Variants in TLCD2 observed in about 807,000 individuals in gnomAD.
The protein encoded by TLCD2 is TLC domain containing 2, also known as TLC domain-containing protein 2.
In TLCD2, 12 loss-of-function variants were observed where a neutral mutation model predicts 14.0. That is an observed-to-expected ratio of 0.86 (90% confidence interval 0.55 to 1.39). The LOEUF (loss-of-function observed/expected upper bound fraction) is 1.39, where lower values mean the gene tolerates loss of function less well. Ranked by LOEUF, TLCD2 falls within the 40% of genes most tolerant of loss-of-function variation. The pLI, the probability that TLCD2 is intolerant of heterozygous loss-of-function variation, is 0.00. For missense variants in TLCD2, 360 were observed against 346.8 expected, an observed-to-expected ratio of 1.04 and a Z score of -0.30; for synonymous variants, 166 against 156.5, an observed-to-expected ratio of 1.06 and a Z score of -0.45.
rs766875594 is a variant in TLCD2, at chr17:1,708,228, A to G, written c.343-6T>C. 4 of 1,515,384 alleles carry G rather than the reference A, an allele frequency of 2.6e-6. No homozygotes were observed. In the African/African-American group the frequency reaches 5.5e-5, roughly 21 times the overall value. 93.9% of individuals were successfully genotyped at this position (1,515,384 alleles called of 1,614,324 possible). On this transcript the variant is annotated splice_polypyrimidine_tract_variant and splice_region_variant and intron_variant, in intron 3 of 3. Coordinates refer to ENST00000330676, the MANE Select transcript of TLCD2 (RefSeq NM_001164407.2). ...GTGCTGAGGCAGCTCACCACCTGGGAGCCAGGGTCACAGGTCAGAGGAACC... is the reference window on the plus strand; with the variant it reads ...GTGCTGAGGCAGCTCACCACCTGGGGGCCAGGGTCACAGGTCAGAGGAACC...
intron 1 of TLCD2, 51 bp from the exon 2 acceptor site, chr17:1,709,937 GCCCCGGCCGCAGTCTCCCTGTGCGCA>G: frequency 6.6e-7 from 1 of 1,513,774 alleles, no homozygotes; most frequent in Non-Finnish European, 8.8e-7. Context: ...GCCTCTCGAG[GCCCCGGCCGCAGTCTCCCTGTGCGCA>G]CCCCCACCCC....
At chr17:1,709,737 G>A (rs1914159443) in intron 2 of TLCD2, 67 bp downstream of exon 2, 1 of 1,274,948 alleles carries the variant, frequency 7.8e-7, no homozygotes, top group Admixed American at 2.0e-5. Flanking sequence ...GAATGGACCT[G>A]GAAGGACAGC....
chr17:1,709,517 A>AAGAT lies in TLCD2; in HGVS notation c.320_323dup (p.Leu109SerfsTer118), dbSNP rs761993817. 19 of 1,536,888 alleles carry AAGAT rather than the reference A, an allele frequency of 1.2e-5. No individual in the cohort carries two copies. The South Asian group carries it at 2.3e-4, about 18-fold the overall frequency. The stretch of plus-strand genomic sequence containing the variant: ...GTCTCACCACCAAATGATGACAGAG[A>AAGAT]AGATCCCAGGTCTTGCCCAAGGTCT... On this transcript the variant is annotated frameshift_variant, in exon 3 of 4. Transcript: ENST00000330676. LOFTEE classifies it low-confidence loss of function (END_TRUNC).
At chr17:1,709,702 A>G (rs1211069868) in intron 2 of TLCD2, 102 bp downstream of exon 2, 4 of 987,976 alleles carry the variant, frequency 4.0e-6, no homozygotes, top group Non-Finnish European at 1.4e-6. Context: ...AGCCTTCAGG[A>G]ACGTTTAACC....
rs953656538 is a variant in TLCD2, at chr17:1,704,969, TGGG to T, written c.*2798_*2800del. The T allele has an allele frequency of 2.0e-5, 3 of 152,056 alleles. No individual in the cohort carries two copies. Among genetic ancestry groups the T allele is most frequent in the African/African-American group, 7.2e-5 (3 of 41,402 alleles). 9.4% of individuals were successfully genotyped at this position (152,056 alleles called of 1,614,324 possible). The stretch of plus-strand genomic sequence containing the variant: ...CGCCTGCCTCGGCCTCCCAAAATGC[TGGG>T]ATTACAGGCGTGACCCACCATGCCC... On this transcript the variant is annotated 3_prime_UTR_variant, in exon 4 of 4. Transcript: ENST00000330676.
At chr17:1,708,402 T>A (rs934612748) in intron 3 of TLCD2, among the ~76,000 whole-genome samples, 180 bp from the exon 4 acceptor site, 1 of 151,066 alleles carries the variant, frequency 6.6e-6, no homozygotes, top group Non-Finnish European at 1.5e-5. Flanking sequence ...CTTCCATAGA[T>A]GGAACCAGGC....
chr17:1,704,874 T>G lies in TLCD2; in HGVS notation c.*2896A>C, dbSNP rs1412907121. 1 of 151,364 alleles carries G rather than the reference T, an allele frequency of 6.6e-6. No homozygotes were observed. Among genetic ancestry groups the G allele is most frequent in the Non-Finnish European group, 1.5e-5 (1 of 67,920 alleles). 9.4% of individuals were successfully genotyped at this position (151,364 alleles called of 1,614,324 possible). A position where few individuals can be genotyped will look rare whatever the true frequency, so the allele number is the denominator to read the frequency against. On this transcript the variant is annotated 3_prime_UTR_variant, in exon 4 of 4. Coordinates refer to ENST00000330676, the MANE Select transcript of TLCD2 (RefSeq NM_001164407.2). ...GCGCCTGCCACCACGCCCGGCCAAT[T>G]TTTTGTATTTTTAGTAGAGATGGTG...
chr17:1,707,399 G>T lies in TLCD2; in HGVS notation c.*371C>A, dbSNP rs2151144760. On this transcript the variant is annotated 3_prime_UTR_variant, in exon 4 of 4. Coordinates refer to ENST00000330676, the MANE Select transcript of TLCD2 (RefSeq NM_001164407.2). ...ATACCAGATCTCTCTGATCCTAGTG[G>T]GACTTCACCTTCCCCCATCTGTCCC... 1.3e-5 allele frequency: 3 copies of T among 229,298 alleles called. No individual in the cohort carries two copies. In the East Asian group the frequency reaches 2.9e-4, roughly 22 times the overall value. 14.2% of individuals were successfully genotyped at this position (229,298 alleles called of 1,614,324 possible). A position where few individuals can be genotyped will look rare whatever the true frequency, so the allele number is the denominator to read the frequency against.
rs1213452275 is a variant in TLCD2, at chr17:1,706,294, A to T, written c.*1476T>A. 6.6e-6 allele frequency: 1 copy of T among 152,134 alleles called. No homozygotes were observed. The highest frequency in any genetic ancestry group is 1.5e-5 in the Non-Finnish European group (1 of 68,170). The allele number at this position is 152,134 out of a possible 1,614,324, so 9.4% of individuals were successfully genotyped here. On this transcript the variant is annotated 3_prime_UTR_variant, in exon 4 of 4. Coordinates refer to ENST00000330676, the MANE Select transcript of TLCD2 (RefSeq NM_001164407.2). ...CAGCCAGAGGGCCAGCTATTCCTTT[A>T]TCCTCCTGCAGCCTTCTCTCACACA...
In TLCD2 at chr17:1,707,906, C is replaced by G. The variant is rs556402213; in HGVS notation, c.659G>C (p.Arg220Pro). 6.5e-7 allele frequency: 1 copy of G among 1,537,142 alleles called. No individual in the cohort carries two copies. Among genetic ancestry groups the G allele is most frequent in the South Asian group, 1.2e-5 (1 of 84,064 alleles). ...VGIMSIILGI[R>P]ILVNDVLQSR... is the part of the protein sequence containing the mutation. ...CTGTAGGACATCATTGACCAGAATA[C>G]GGATCCCCAATATGATGCTCATGAT... The change falls in exon 4 of 4, where the codon CGT becomes CCT. Residue 220 changes from arginine (R) to proline (P), a missense_variant. Arg to Pro is a moderately radical substitution (Grantham distance 103, BLOSUM62 -2). Transcript: ENST00000330676.
rs1914049813 is a variant in TLCD2, at chr17:1,706,852, C to G, written c.*918G>C. The stretch of plus-strand genomic sequence containing the variant: ...ATAAAAATAAAAATAAAAGGCTAGA[C>G]ACAGCAGGACCAGGGTTAAGGAGAA... On this transcript the variant is annotated 3_prime_UTR_variant, in exon 4 of 4. Coordinates refer to ENST00000330676, the MANE Select transcript of TLCD2 (RefSeq NM_001164407.2). 6.7e-6 allele frequency: 1 copy of G among 149,498 alleles called. No homozygotes were observed. Among genetic ancestry groups the G allele is most frequent in the Non-Finnish European group, 1.5e-5 (1 of 67,474 alleles). The allele number at this position is 149,498 out of a possible 1,614,324, so 9.3% of individuals were successfully genotyped here.
rs1443110138 is a variant in TLCD2, at chr17:1,706,990, A to C, written c.*780T>G. 1 of 151,552 alleles carries C rather than the reference A, an allele frequency of 6.6e-6. No individual in the cohort carries two copies. Among genetic ancestry groups the C allele is most frequent in the Admixed American group, 6.6e-5 (1 of 15,194 alleles). The allele number at this position is 151,552 out of a possible 1,614,324, so 9.4% of individuals were successfully genotyped here. A position where few individuals can be genotyped will look rare whatever the true frequency, so the allele number is the denominator to read the frequency against. The stretch of plus-strand genomic sequence containing the variant: ...AGACCAGCCTGGGCAACATGGTGAA[A>C]CCTCCTCTCCACCAAAAAATACAAA... On this transcript the variant is annotated 3_prime_UTR_variant, in exon 4 of 4. Transcript: ENST00000330676.
rs760704775 is a variant in TLCD2, at chr17:1,707,883, G to T, written c.682C>A (p.Gln228Lys). 1.3e-6 allele frequency: 2 copies of T among 1,537,294 alleles called. No homozygotes were observed. The highest frequency in any genetic ancestry group is 2.4e-5 in the South Asian group (2 of 84,060). The change falls in exon 4 of 4, where the codon CAG becomes AAG. Residue 228 changes from glutamine (Q) to lysine (K), a missense_variant. Coordinates refer to ENST00000330676, the MANE Select transcript of TLCD2 (RefSeq NM_001164407.2). ...GGGCTGGGTGGATGGGGTCGAGACT[G>T]TAGGACATCATTGACCAGAATACGG... ...GIRILVNDVL[Q>K]SRPHPPSPGH...
In TLCD2 at chr17:1,706,773, C is replaced by CAAAAAAAAAAAA. The variant is rs55703430; in HGVS notation, c.*985_*996dup. On this transcript the variant is annotated 3_prime_UTR_variant, in exon 4 of 4. Coordinates refer to ENST00000330676, the MANE Select transcript of TLCD2 (RefSeq NM_001164407.2). ...TGGGCAACAGAGCAAGAACTTGTCT[C>CAAAAAAAAAAAA]AAAAAAAAAAAAAAAAAAAGAAAAG... 2.9e-4 allele frequency: 23 copies of CAAAAAAAAAAAA among 80,028 alleles called. No individual in the cohort carries two copies. The highest frequency in any genetic ancestry group is 3.4e-4 in the Non-Finnish European group (14 of 40,638). The allele number at this position is 80,028 out of a possible 1,614,324, so 5.0% of individuals were successfully genotyped here.
intron 1 of TLCD2, 67 bp downstream of exon 1, chr17:1,710,000 G>T: frequency 6.6e-7 from 1 of 1,514,932 alleles, no homozygotes; most frequent in Non-Finnish European, 8.8e-7. Context: ...ACGCCCGGCG[G>T]GTCTCCCGGC....
rs547912947 is a variant in TLCD2, at chr17:1,708,160, A to G, written c.405T>C (p.Ser135=). The G allele has an allele frequency of 1.3e-6, 2 of 1,536,670 alleles. No individual in the cohort carries two copies. The highest frequency in any genetic ancestry group is 2.4e-5 in the South Asian group (2 of 84,062). The part of the protein sequence containing the change: ...SGHYVGFSMV[S]LLLELNSACL... ...AGGCAGAGTTCAGTTCCAGGAGCAGAGACACCATGGAGAAGCCCACGTAGT... is the reference window on the plus strand; with the variant it reads ...AGGCAGAGTTCAGTTCCAGGAGCAGGGACACCATGGAGAAGCCCACGTAGT... Residue 135 remains serine, a synonymous_variant, in exon 4 of 4, where the codon TCT becomes TCC. Transcript: ENST00000330676.
chr17:1,704,678 T>C lies in TLCD2; in HGVS notation c.*3092A>G, dbSNP rs1913975283. On this transcript the variant is annotated 3_prime_UTR_variant, in exon 4 of 4. Coordinates refer to ENST00000330676, the MANE Select transcript of TLCD2 (RefSeq NM_001164407.2). ...TTTCCTCCTCTTTTCATTTCTGGGT[T>C]CCTGCCTCTTCTTTGTTCTTTGGAT... 2 of 152,016 alleles carry C rather than the reference T, an allele frequency of 1.3e-5. No homozygotes were observed. Among genetic ancestry groups the C allele is most frequent in the Admixed American group, 1.3e-4 (2 of 15,182 alleles). 9.4% of individuals were successfully genotyped at this position (152,016 alleles called of 1,614,324 possible). A position where few individuals can be genotyped will look rare whatever the true frequency, so the allele number is the denominator to read the frequency against.
chr17:1,709,030 T>C (rs1914132222), intron 3 of TLCD2, among the ~76,000 whole-genome samples: 1 of 152,030 alleles, frequency 6.6e-6, no homozygotes, highest in Non-Finnish European at 1.5e-5. Context: ...TCCCCCTAAC[T>C]CAGCCTAAGA....
chr17:1,707,053 G>A lies in TLCD2; in HGVS notation c.*717C>T, dbSNP rs1451977648. ...TTGGTGGTGCATGCCTGAAGTCACA[G>A]CTACTCGGGAGGCTAAGGCAGGACA... On this transcript the variant is annotated 3_prime_UTR_variant, in exon 4 of 4. Coordinates refer to ENST00000330676, the MANE Select transcript of TLCD2 (RefSeq NM_001164407.2). 1.3e-5 allele frequency: 2 copies of A among 152,046 alleles called. No individual in the cohort carries two copies. Among genetic ancestry groups the A allele is most frequent in the Non-Finnish European group, 2.9e-5 (2 of 68,062 alleles). The allele number at this position is 152,046 out of a possible 1,614,324, so 9.4% of individuals were successfully genotyped here.
Sources: allele counts gnomAD v4.1 joint callset (sites outside exome capture counted in the v4.1 genomes callset), GRCh38; gene constraint gnomAD v4.1.1; transcripts MANE v1.5; gene names NCBI Gene and HGNC (gene_info 2026-07-23, HGNC 2026-07-21).